FRMPD1: variants seen among roughly 807,000 people sequenced by gnomAD.
FRMPD1 encodes the protein FERM and PDZ domain-containing protein 1.
A neutral mutation model predicts 117.8 loss-of-function variants in FRMPD1; 76 were observed. That is an observed-to-expected ratio of 0.65 (90% confidence interval 0.54 to 0.78). The LOEUF is 0.78. FRMPD1 is among the 30% of genes least tolerant of loss of function. FRMPD1 has a pLI of 0.00. For synonymous variants in FRMPD1, 783 were observed against 770.4 expected, an observed-to-expected ratio of 1.02 and a Z score of -0.27; for missense variants, 1,786 against 1,964.5, an observed-to-expected ratio of 0.91 and a Z score of 1.72.
At chr9:37,709,497 A>G (rs574156247) in intron 4 of FRMPD1, among the ~76,000 whole-genome samples, 3 of 151,926 alleles carry the variant, frequency 2.0e-5, no homozygotes, top group Admixed American at 6.6e-5. Context: ...AGAGGTTGCA[A>G]TGGGCCACGA....
At chr9:37,647,482 A>T (rs1333943737), upstream of FRMPD1, among the ~76,000 whole-genome samples, 1 of 150,138 alleles carries the variant, frequency 6.7e-6, no homozygotes, top group East Asian at 2.0e-4. Flanking sequence ...ACTGCACTCC[A>T]GCCTGGGCGA....
chr9:37,680,227 T>C (rs1432486075), intron 1 of FRMPD1, among the ~76,000 whole-genome samples: 1 of 152,170 alleles, frequency 6.6e-6, no homozygotes, highest in Non-Finnish European at 1.5e-5. Flanking sequence ...CTAAGAGATG[T>C]CTAATCCTGT....
At position 37,689,917 on chromosome 9, in the gene FRMPD1, CCT is replaced by C. The variant is rs558773090; in HGVS notation, c.-4-2716_-4-2715del. On this transcript the variant is annotated intron_variant, in intron 1 of 15. Transcript: ENST00000377765. ...TTGTTTGTATGTAATCTTTTTTTTT[CCT>C]CTCTGGAAGTTTAGAAGATATTTTC... is the stretch of plus-strand genomic sequence containing the variant. Among the ~76,000 whole-genome samples, 807 of 151,236 alleles carry C rather than the reference CCT, an allele frequency of 5.3e-3. 6 individuals carry two copies. The highest frequency in any genetic ancestry group is 0.019 in the African/African-American group (771 of 41,294).
rs377415527 is a variant in FRMPD1, at chr9:37,746,567, G to A, written c.4535G>A (p.Arg1512His). The change falls in exon 16 of 16, where the codon CGC becomes CAC. Residue 1512 changes from arginine (R) to histidine (H), a missense_variant. Coordinates refer to ENST00000377765, the MANE Select transcript of FRMPD1 (RefSeq NM_014907.3). ...GLCFQFTDCS[R>H]CSARHREAAG... is the part of the protein sequence containing the mutation. ...TGCTTTCAGTTCACAGACTGTAGCC[G>A]CTGCTCCGCCCGGCACAGGGAGGCA... The A allele has an allele frequency of 1.1e-5, 17 of 1,613,634 alleles. No homozygotes were observed. The highest frequency in any genetic ancestry group is 9.3e-5 in the African/African-American group (7 of 74,938).
chr9:37,645,316 ATC>A, the FRMPD1 span, among the ~76,000 whole-genome samples: 8 of 152,190 alleles, frequency 5.3e-5, no homozygotes, highest in Non-Finnish European at 1.2e-4. Flanking sequence ...CTATACAAAT[ATC>A]TTATTGCCTT....
At chr9:37,605,668 T>C in the FRMPD1 span, among the ~76,000 whole-genome samples, 3 of 151,548 alleles carry the variant, frequency 2.0e-5, no homozygotes, top group East Asian at 1.9e-4. Context: ...AATCATATTG[T>C]CATTCTGGTA....
rs770835781 is a variant in FRMPD1, at chr9:37,737,174, G to T, written c.1480G>T (p.Asp494Tyr). 6.2e-7 allele frequency: 1 copy of T among 1,613,976 alleles called. No homozygotes were observed. Among genetic ancestry groups the T allele is most frequent in the Non-Finnish European group, 8.5e-7 (1 of 1,179,860 alleles). Reference sequence around the variant, plus strand: ...TGCTGGGTACTACAGGCTGTTGGTTGACCCAGTTACCTCCATTTTCCTCTG... The same window carrying T: ...TGCTGGGTACTACAGGCTGTTGGTTTACCCAGTTACCTCCATTTTCCTCTG... ...LIAGYYRLLVDPVTSIFLWPG... is the reference protein window; with the variant it reads ...LIAGYYRLLVYPVTSIFLWPG... Residue 494 changes from aspartate (D) to tyrosine (Y), a missense_variant, in exon 14 of 16, where the codon GAC becomes TAC. Transcript: ENST00000377765.
chr9:37,667,304 G>T (rs1034653212), intron 1 of FRMPD1, among the ~76,000 whole-genome samples: 1 of 150,758 alleles, frequency 6.6e-6, no homozygotes, highest in Admixed American at 6.6e-5. Context: ...GACCTCAAGC[G>T]ATCTGCCCAC....
At chr9:37,676,913 G>T (rs558867423) in intron 1 of FRMPD1, among the ~76,000 whole-genome samples, 1 of 152,116 alleles carries the variant, frequency 6.6e-6, no homozygotes, top group Non-Finnish European at 1.5e-5. Context: ...TCTATAACAC[G>T]ATGAACACCC....
At chr9:37,724,586 A>T (rs1823543390) in intron 7 of FRMPD1, among the ~76,000 whole-genome samples, 1 of 152,116 alleles carries the variant, frequency 6.6e-6, no homozygotes, top group African/African-American at 2.4e-5. Context: ...CAAAGGTCAG[A>T]TTAGAACTCC....
rs555686713 is a variant in FRMPD1, at chr9:37,716,466, T to A, written c.409-2603T>A. Among the ~76,000 whole-genome samples, 10 of 152,348 alleles carry A rather than the reference T, an allele frequency of 6.6e-5. No individual in the cohort carries two copies. In the East Asian group the frequency reaches 1.9e-3, roughly 29 times the overall value. ...CTGTAGTCATTTTCCAATGACTTCC[T>A]GTCAGGGAACCTCCTCTTCCTAAGT... On this transcript the variant is annotated intron_variant, in intron 5 of 15. Transcript: ENST00000377765.
At chr9:37,696,951 C>T (rs1804821987) in intron 2 of FRMPD1, among the ~76,000 whole-genome samples, 2 of 151,980 alleles carry the variant, frequency 1.3e-5, no homozygotes, top group East Asian at 3.9e-4. Flanking sequence ...TTTCCATTTC[C>T]AGGCATTACT....
chr9:37,663,916 A>T (rs371989040), intron 1 of FRMPD1, among the ~76,000 whole-genome samples: 1 of 152,176 alleles, frequency 6.6e-6, no homozygotes, highest in Admixed American at 6.5e-5. Context: ...AAGTCTGTAC[A>T]TGTTCAGTAT....
At chr9:37,636,819 C>T in the FRMPD1 span, 6 of 1,612,092 alleles carry the variant, frequency 3.7e-6, no homozygotes, top group Admixed American at 6.7e-5. Flanking sequence ...AACGCCTGCT[C>T]GACATTGGTG....
At chr9:37,627,154 A>G in the FRMPD1 span, among the ~76,000 whole-genome samples, 1 of 152,016 alleles carries the variant, frequency 6.6e-6, no homozygotes, top group Admixed American at 6.6e-5. Context: ...TTTCAGCTCC[A>G]GTTTAAAGTC....
chr9:37,710,611 T>C (rs1245732067), intron 4 of FRMPD1, among the ~76,000 whole-genome samples: 1 of 152,204 alleles, frequency 6.6e-6, no homozygotes, highest in Non-Finnish European at 1.5e-5. Flanking sequence ...GTGAAATGTT[T>C]AGCCTGAGTT....
intron 13 of FRMPD1, among the ~76,000 whole-genome samples, chr9:37,736,642 G>A (rs951998515): frequency 3.3e-5 from 5 of 151,678 alleles, no homozygotes; most frequent in Admixed American, 6.6e-5. Flanking sequence ...CTCAATATTG[G>A]TGCTTTATTC....
At chr9:37,711,074 G>A (rs1436526821) in intron 4 of FRMPD1, among the ~76,000 whole-genome samples, 1 of 152,096 alleles carries the variant, frequency 6.6e-6, no homozygotes, top group African/African-American at 2.4e-5. Context: ...TGTTGTGGCT[G>A]TAGATATAGA....
intron 6 of FRMPD1, among the ~76,000 whole-genome samples, chr9:37,721,709 C>T (rs1823406078): frequency 6.6e-6 from 1 of 152,154 alleles, no homozygotes; most frequent in Admixed American, 6.5e-5. Flanking sequence ...ATAGTATCAA[C>T]ATTTTAAATA....
Sources: gnomAD v4.1 joint callset for allele counts (sites outside exome capture counted in the v4.1 genomes callset) on GRCh38, gnomAD v4.1.1 for gene constraint, MANE v1.5 for transcripts, NCBI Gene and HGNC (gene_info 2026-07-23, HGNC 2026-07-21) for gene names.